The following BCLAF3 variants were observed in gnomAD, a reference collection of about 807,000 sequenced individuals.
BCLAF3 encodes the protein BCLAF1 and THRAP3 family member 3, also known as transient octamer binding factor 1.
Under a neutral mutation model 51.2 loss-of-function variants are expected in BCLAF3, and 24 were observed. The ratio of observed to expected loss-of-function variants is 0.47; its 90% CI spans 0.34 to 0.66. BCLAF3 has a LOEUF of 0.66. BCLAF3 is among the 30% of genes least tolerant of loss of function. The pLI, the probability that BCLAF3 is intolerant of heterozygous loss-of-function variation, is 0.01. For synonymous variants in BCLAF3, 152 were observed against 176.6 expected, an observed-to-expected ratio of 0.86 and a Z score of 1.10; for missense variants, 465 against 525.1, an observed-to-expected ratio of 0.89 and a Z score of 1.12.
At chrX:19,952,141 T>A (rs972934093) in intron 7 of BCLAF3, among the ~76,000 whole-genome samples, 2 of 111,975 alleles carry the variant, frequency 1.8e-5, no homozygotes, top group African/African-American at 6.5e-5. Context: ...GGTGATTTTT[T>A]AAAAAACCAC....
At chrX:19,962,580 A>G (rs1191998559) in intron 4 of BCLAF3, among the ~76,000 whole-genome samples, 1 of 112,540 alleles carries the variant, frequency 8.9e-6, no homozygotes, top group African/African-American at 3.2e-5. Flanking sequence ...ACAAAAATGT[A>G]TAAGGTATCT....
intron 7 of BCLAF3, 150 bp downstream of exon 7, chrX:19,952,838 C>T (rs1855840947): frequency 2.3e-6 from 1 of 431,825 alleles, no homozygotes; most frequent in Admixed American, 4.8e-5. Flanking sequence ...TAGTCAGAAT[C>T]ACCTGAAGAC....
intron 4 of BCLAF3, among the ~76,000 whole-genome samples, chrX:19,960,286 C>T (rs1206323422): frequency 9.0e-6 from 1 of 110,927 alleles, no homozygotes; most frequent in Non-Finnish European, 1.9e-5. Context: ...TGGTCACCAA[C>T]ACATGGCCAA....
At chrX:19,955,645 A>C (rs1359181465) in intron 4 of BCLAF3, 79 bp from the exon 5 acceptor site, 9 of 835,038 alleles carry the variant, frequency 1.1e-5, no homozygotes, top group African/African-American at 2.1e-5. Context: ...TAAGATAGCT[A>C]CAAAACTAGA....
intron 8 of BCLAF3, among the ~76,000 whole-genome samples, chrX:19,946,027 A>G (rs1257608572): frequency 9.2e-6 from 1 of 108,826 alleles, no homozygotes; most frequent in African/African-American, 3.4e-5. Flanking sequence ...GGTGGGAGTG[A>G]CCCGATTTTC....
chrX:19,952,074 A>C (rs147538147), intron 7 of BCLAF3, among the ~76,000 whole-genome samples: 3 of 112,385 alleles, frequency 2.7e-5, no homozygotes, highest in Non-Finnish European at 5.6e-5. Context: ...AATGCAAGCT[A>C]TAAGACTGCC....
At chrX:19,950,681 A>C in intron 8 of BCLAF3, 72 bp downstream of exon 8, 1 of 731,896 alleles carries the variant, frequency 1.4e-6, no homozygotes, top group Non-Finnish European at 2.0e-6. Flanking sequence ...AATTATCATC[A>C]CACAAAAAAT....
intron 8 of BCLAF3, among the ~76,000 whole-genome samples, chrX:19,940,333 T>G (rs1312069682): frequency 9.1e-6 from 1 of 109,304 alleles, no homozygotes; most frequent in African/African-American, 3.3e-5. Flanking sequence ...TTGTGCAGGT[T>G]AGTTACATAT....
chrX:19,977,469 C>G (rs1007938750), intron 1 of BCLAF3, among the ~76,000 whole-genome samples: 1 of 112,267 alleles, frequency 8.9e-6, no homozygotes, highest in South Asian at 3.7e-4. Context: ...CCAGCCACAA[C>G]GTTCCCTTAA....
intron 1 of BCLAF3, among the ~76,000 whole-genome samples, chrX:19,971,619 T>A (rs1281172861): frequency 1.8e-5 from 2 of 112,201 alleles, no homozygotes; most frequent in African/African-American, 6.5e-5. Flanking sequence ...TAAGTAGGTA[T>A]AATCTCCTAT....
rs748679368 is a variant in BCLAF3 at position 19,990,922 on chromosome X, C to CCCG, written c.-52_-50dup. 0.018 allele frequency among the ~76,000 whole-genome samples: 1,525 copies of CCCG among 84,572 alleles called. 27 individuals are homozygous for CCCG. The highest frequency in any genetic ancestry group is 0.035 in the African/African-American group (773 of 22,227). The allele number at this position is 84,572 out of a possible 115,157, so 73.4% of individuals were successfully genotyped here. A position where few individuals can be genotyped will look rare whatever the true frequency, so the allele number is the denominator to read the frequency against. Reference sequence around the variant, plus strand: ...GAGCCGCTCACCCGGCCGGGAAGCCCCCGCCGCCGCCGCCGCCGCCGCCGC... The same window carrying CCCG: ...GAGCCGCTCACCCGGCCGGGAAGCCCCCGCCGCCGCCGCCGCCGCCGCCGCCGC... On this transcript the variant is annotated 5_prime_UTR_variant, in exon 1 of 12. Coordinates refer to ENST00000379682, the MANE Select transcript of BCLAF3 (RefSeq NM_001367774.2).
rs573740243 is a variant in BCLAF3, at chrX:19,936,643, T to A, written c.1861-745A>T. Reference sequence around the variant, plus strand: ...AGGAACTTGCTTCTTGCAAAAAGAATATGGTAAAGGATGAGATTTTACTTG... The same window carrying A: ...AGGAACTTGCTTCTTGCAAAAAGAAAATGGTAAAGGATGAGATTTTACTTG... On this transcript the variant is annotated intron_variant, in intron 9 of 11. Transcript: ENST00000379682. 3.6e-5 allele frequency among the ~76,000 whole-genome samples: 4 copies of A among 111,610 alleles called. No homozygotes were observed. The South Asian group carries it at 1.5e-3, about 42-fold the overall frequency.
chrX:19,939,502 A>G (rs2070915044), intron 8 of BCLAF3, among the ~76,000 whole-genome samples: 1 of 112,171 alleles, frequency 8.9e-6, no homozygotes, highest in South Asian at 3.7e-4. Flanking sequence ...GCCAATAAGC[A>G]CATAGAAAGA....
At chrX:19,940,236 T>A (rs757611058) in intron 8 of BCLAF3, among the ~76,000 whole-genome samples, 133 of 110,263 alleles carry the variant, frequency 1.2e-3, no homozygotes, top group African/African-American at 3.9e-3. Flanking sequence ...AGTTATCATG[T>A]GTAAATTTCA....
intron 8 of BCLAF3, among the ~76,000 whole-genome samples, chrX:19,938,824 G>A (rs191823134): frequency 1.4e-4 from 16 of 112,833 alleles, no homozygotes; most frequent in Admixed American, 6.6e-4. Flanking sequence ...AGATCCATTT[G>A]TACCTCTTCA....
chrX:19,982,333 AACGC>A (rs1488526981), intron 1 of BCLAF3, among the ~76,000 whole-genome samples: 4 of 110,912 alleles, frequency 3.6e-5, no homozygotes, highest in African/African-American at 1.3e-4. Flanking sequence ...CCATCACAGA[AACGC>A]ACCAAGTCAG....
At chrX:19,956,579 C>T (rs1158600744) in intron 4 of BCLAF3, among the ~76,000 whole-genome samples, 2 of 111,582 alleles carry the variant, frequency 1.8e-5, no homozygotes, top group Non-Finnish European at 3.8e-5. Context: ...TGTCTGCAGG[C>T]ACCTCATGCA....
chrX:19,969,387 T>C (rs12006898), intron 2 of BCLAF3, among the ~76,000 whole-genome samples: 19,332 of 111,582 alleles, frequency 0.17, 1,308 homozygotes, highest in African/African-American at 0.22. Flanking sequence ...TAGAAAATAC[T>C]AGTCACATTT....
chrX:19,938,401 T>C (rs1316776010), intron 8 of BCLAF3, among the ~76,000 whole-genome samples: 1 of 111,663 alleles, frequency 9.0e-6, no homozygotes, highest in Non-Finnish European at 1.9e-5. Context: ...GGATTTTTTG[T>C]TTGCTTGTTT....
Sources: allele counts gnomAD v4.1 joint callset (sites outside exome capture counted in the v4.1 genomes callset), GRCh38; gene constraint gnomAD v4.1.1; transcripts MANE v1.5; gene names NCBI Gene and HGNC (gene_info 2026-07-23, HGNC 2026-07-21).